LOC128092252: variants seen among roughly 807,000 people sequenced by gnomAD.
At chr15:50,656,637 G>A in the LOC128092252 span, among the ~76,000 whole-genome samples, 1 of 151,766 alleles carries the variant, frequency 6.6e-6, no homozygotes, top group African/African-American at 2.4e-5. Flanking sequence ...CATCCAGCCT[G>A]TCAGGTTTTT....
chr15:50,672,366 A>AT, the LOC128092252 span, among the ~76,000 whole-genome samples: 2,711 of 145,444 alleles, frequency 0.019, 80 homozygotes, highest in African/African-American at 0.064. Flanking sequence ...ACTCCTACCT[A>AT]TTTTTTTTTT....
At chr15:50,656,803 G>C in the LOC128092252 span, among the ~76,000 whole-genome samples, 5 of 151,878 alleles carry the variant, frequency 3.3e-5, no homozygotes, top group African/African-American at 1.2e-4. Context: ...AATTTACTCA[G>C]TTGCCTAAGA....
the LOC128092252 span, among the ~76,000 whole-genome samples, chr15:50,681,792 T>C: frequency 9.9e-5 from 15 of 152,220 alleles, no homozygotes; most frequent in Admixed American, 9.8e-4. Flanking sequence ...GTAAGAGGGG[T>C]AAACAGTGTT....
the LOC128092252 span, among the ~76,000 whole-genome samples, chr15:50,655,735 C>T: frequency 1.3e-5 from 2 of 152,164 alleles, no homozygotes; most frequent in South Asian, 4.1e-4. Context: ...CAACAGCTCA[C>T]GCCTGGAATT....
At chr15:50,649,754 C>T in the LOC128092252 span, among the ~76,000 whole-genome samples, 1 of 152,104 alleles carries the variant, frequency 6.6e-6, no homozygotes, top group Admixed American at 6.6e-5. Flanking sequence ...TGGGCAGTCT[C>T]ATTGATTTGA....
the LOC128092252 span, among the ~76,000 whole-genome samples, chr15:50,661,026 A>G: frequency 6.6e-6 from 1 of 150,454 alleles, no homozygotes; most frequent in Non-Finnish European, 1.5e-5. Flanking sequence ...CCCAGGCTGG[A>G]GTGCAGCAGT....
chr15:50,670,942 T>A, the LOC128092252 span, among the ~76,000 whole-genome samples: 1 of 151,988 alleles, frequency 6.6e-6, no homozygotes, highest in African/African-American at 2.4e-5. Context: ...GGGAGGCCAA[T>A]GGGGGCAGAT....
the LOC128092252 span, among the ~76,000 whole-genome samples, chr15:50,660,553 G>A: frequency 6.6e-6 from 1 of 152,134 alleles, no homozygotes; most frequent in East Asian, 1.9e-4. Flanking sequence ...TACTCAGGTA[G>A]CTGAGGCATG....
At chr15:50,676,898 C>A in the LOC128092252 span, among the ~76,000 whole-genome samples, 2 of 152,122 alleles carry the variant, frequency 1.3e-5, no homozygotes, top group South Asian at 2.1e-4. Context: ...TCTCACTGAC[C>A]CATGAAGATC....
chr15:50,650,013 G>A, the LOC128092252 span, among the ~76,000 whole-genome samples: 2 of 151,674 alleles, frequency 1.3e-5, no homozygotes, highest in African/African-American at 4.8e-5. Context: ...TGGCCAACAT[G>A]GTGAACCGTC....
At chr15:50,668,998 C>T in the LOC128092252 span, among the ~76,000 whole-genome samples, 4 of 152,122 alleles carry the variant, frequency 2.6e-5, no homozygotes, top group African/African-American at 9.7e-5. Flanking sequence ...CTACGCAGTC[C>T]CTGTACAGGG....
chr15:50,682,477 G>T, the LOC128092252 span, among the ~76,000 whole-genome samples: 1 of 151,830 alleles, frequency 6.6e-6, no homozygotes, highest in Non-Finnish European at 1.5e-5. Flanking sequence ...ACTAGAGGCT[G>T]AGGCAGGAGA....
chr15:50,676,712 C>G, the LOC128092252 span, among the ~76,000 whole-genome samples: 7 of 152,038 alleles, frequency 4.6e-5, no homozygotes, highest in Non-Finnish European at 8.8e-5. Flanking sequence ...TGAAAACAGT[C>G]CCCATCCTAT....
the LOC128092252 span, among the ~76,000 whole-genome samples, chr15:50,664,729 G>A: frequency 0.15 from 22,389 of 152,204 alleles, 2,220 homozygotes; most frequent in Admixed American, 0.28. Flanking sequence ...CACTCTGGGA[G>A]GCAGGAAGAT....
chr15:50,668,366 T>C, the LOC128092252 span, among the ~76,000 whole-genome samples: 1 of 152,218 alleles, frequency 6.6e-6, no homozygotes, highest in Non-Finnish European at 1.5e-5. Context: ...CAGTCAAGGA[T>C]TTGAGCTATT....
chr15:50,666,054 C>G, the LOC128092252 span, among the ~76,000 whole-genome samples: 27,636 of 151,804 alleles, frequency 0.18, 3,255 homozygotes, highest in East Asian at 0.46. Context: ...ACTTTAAAAA[C>G]ATATTGAAAG....
the LOC128092252 span, among the ~76,000 whole-genome samples, chr15:50,667,774 TA>T: frequency 6.6e-6 from 1 of 152,224 alleles, no homozygotes; most frequent in Non-Finnish European, 1.5e-5. Flanking sequence ...TATAAGGTTT[TA>T]TTAAGAACTG....
chr15:50,655,565 A>C, the LOC128092252 span, among the ~76,000 whole-genome samples: 1 of 152,134 alleles, frequency 6.6e-6, no homozygotes, highest in African/African-American at 2.4e-5. Flanking sequence ...GCTGCTGAAA[A>C]CCAAAGGAAT....
At chr15:50,668,423 T>A in the LOC128092252 span, among the ~76,000 whole-genome samples, 3 of 152,074 alleles carry the variant, frequency 2.0e-5, no homozygotes, top group Admixed American at 6.6e-5. Flanking sequence ...GGACAAAATT[T>A]GGAGCATATT....
Sources: gnomAD v4.1 joint callset for allele counts (sites outside exome capture counted in the v4.1 genomes callset) on GRCh38, gnomAD v4.1.1 for gene constraint, MANE v1.5 for transcripts.